Variants in RARB observed in about 807,000 individuals in gnomAD.
RARB encodes the protein HBV-activated protein.
In RARB, 17 loss-of-function variants were observed where a neutral mutation model predicts 51.9. The observed-to-expected ratio is 0.33, with a 90% confidence interval of 0.22 to 0.49. The LOEUF is 0.49. RARB is among the 20% of genes least tolerant of loss of function. RARB has a pLI of 0.99. For synonymous variants in RARB, 215 were observed against 195.4 expected (o/e 1.10, Z -0.84); for missense variants, 369 against 550.8 (o/e 0.67, Z 3.30).
chr3:25,156,824 A>G (rs879930887), intron 4 of RARB, among the ~76,000 whole-genome samples: 15 of 152,234 alleles, frequency 9.9e-5, no homozygotes, highest in Non-Finnish European at 2.2e-4. Context: ...TAGCTAGAAC[A>G]AGGCTAAAAG....
chr3:25,064,505 C>G (rs1048151578), intron 3 of RARB, among the ~76,000 whole-genome samples: 1 of 152,010 alleles, frequency 6.6e-6, no homozygotes, highest in East Asian at 1.9e-4. Context: ...CTGAAACTGT[C>G]TTATAGAATT....
chr3:25,456,554 A>ATT (rs35056259), intron 1 of RARB, among the ~76,000 whole-genome samples: 4,845 of 44,070 alleles, frequency 0.11, 1,208 homozygotes, highest in African/African-American at 0.14. Context: ...TATACCACTG[A>ATT]TTTTTTTTTT....
At chr3:25,220,794 G>A (rs1419234706) in intron 5 of RARB, among the ~76,000 whole-genome samples, 1 of 152,126 alleles carries the variant, frequency 6.6e-6, no homozygotes, top group Non-Finnish European at 1.5e-5. Context: ...CTTTATAGCA[G>A]TGTGAAAATT....
chr3:25,385,644 A>AAAAT (rs769412164), intron 5 of RARB, among the ~76,000 whole-genome samples: 2 of 150,406 alleles, frequency 1.3e-5, no homozygotes, highest in African/African-American at 4.9e-5. Flanking sequence ...TTGCATTTAA[A>AAAAT]ATATATATAT....
At chr3:25,391,352 A>G (rs1706952699) in intron 5 of RARB, among the ~76,000 whole-genome samples, 4 of 152,162 alleles carry the variant, frequency 2.6e-5, no homozygotes, top group Admixed American at 2.6e-4. Flanking sequence ...GTTGCTGTAA[A>G]CATGCATGTG....
chr3:25,266,676 C>T (rs772284244), intron 5 of RARB, among the ~76,000 whole-genome samples: 26 of 152,106 alleles, frequency 1.7e-4, no homozygotes, highest in Non-Finnish European at 2.8e-4. Flanking sequence ...ATTGGAAATA[C>T]GGACTTTAAG....
intron 3 of RARB, among the ~76,000 whole-genome samples, chr3:25,564,043 C>T (rs1017546577): frequency 6.7e-6 from 1 of 150,274 alleles, no homozygotes; most frequent in African/African-American, 2.5e-5. Flanking sequence ...TGCATGTTTC[C>T]TGCATTAAAT....
chr3:24,953,748 C>G (rs151298025), intron 2 of RARB, among the ~76,000 whole-genome samples: 1 of 152,100 alleles, frequency 6.6e-6, no homozygotes, highest in African/African-American at 2.4e-5. Flanking sequence ...ACTCTCTTTA[C>G]TCCCACCTCA....
In RARB at chr3:24,860,958, A is replaced by G. The variant is rs79560263; in HGVS notation, c.-380+2206A>G. ...ACTATACCATGTAGCCTAGGTTCGT[A>G]TATTTTGTGAAACTCACACAATGAC... On this transcript the variant is annotated intron_variant, in intron 2 of 11. Transcript: ENST00000383772. Among the ~76,000 whole-genome samples the G allele has an allele frequency of 1.2e-3, 180 of 152,310 alleles. 6 individuals are homozygous for G. In the East Asian group the frequency reaches 0.033, roughly 28 times the overall value.
chr3:25,580,456 C>T (rs559265551), intron 4 of RARB, 90 bp from the exon 5 acceptor site: 5 of 1,259,158 alleles, frequency 4.0e-6, no homozygotes, highest in Admixed American at 4.4e-5. Context: ...GCTGACATGT[C>T]ACCCCCTCTA....
chr3:24,849,759 T>A (rs551789641), intron 1 of RARB, among the ~76,000 whole-genome samples: 2,599 of 152,310 alleles, frequency 0.017, 76 homozygotes, highest in African/African-American at 0.059. Context: ...CCATTCAACA[T>A]CCATTATGGG....
chr3:25,577,258 A>C (rs1286259063), intron 4 of RARB, among the ~76,000 whole-genome samples: 1 of 152,210 alleles, frequency 6.6e-6, no homozygotes, highest in African/African-American at 2.4e-5. Context: ...TCGCTTCCTC[A>C]TCAGCCAAAT....
chr3:24,957,381 A>G (rs1696039529), intron 2 of RARB, among the ~76,000 whole-genome samples: 1 of 152,180 alleles, frequency 6.6e-6, no homozygotes, highest in Admixed American at 6.5e-5. Context: ...AATATTATTG[A>G]GGGGTCTTAC....
chr3:25,139,784 G>A (rs1575178329), intron 4 of RARB, among the ~76,000 whole-genome samples: 1 of 152,154 alleles, frequency 6.6e-6, no homozygotes, highest in Non-Finnish European at 1.5e-5. Flanking sequence ...AGAAGTCAGT[G>A]CATGGATTCA....
At chr3:25,125,524 G>A (rs1375003970) in intron 3 of RARB, among the ~76,000 whole-genome samples, 3 of 152,176 alleles carry the variant, frequency 2.0e-5, no homozygotes, top group African/African-American at 7.2e-5. Context: ...GTTCAGTTGG[G>A]TAGGCATGAA....
intron 2 of RARB, among the ~76,000 whole-genome samples, chr3:24,897,617 C>A (rs1020329024): frequency 6.6e-6 from 1 of 152,134 alleles, no homozygotes; most frequent in Non-Finnish European, 1.5e-5. Flanking sequence ...ATACTTGATA[C>A]AATGATAACT....
At chr3:25,133,523 G>T (rs926441255) in intron 4 of RARB, among the ~76,000 whole-genome samples, 1 of 151,996 alleles carries the variant, frequency 6.6e-6, no homozygotes, top group Non-Finnish European at 1.5e-5. Context: ...ATGGTTTACT[G>T]CTTCCTTGGT....
At chr3:24,952,499 G>T (rs1326499826) in intron 2 of RARB, among the ~76,000 whole-genome samples, 1 of 151,912 alleles carries the variant, frequency 6.6e-6, no homozygotes, top group Non-Finnish European at 1.5e-5. Flanking sequence ...CTGCACTCCG[G>T]CGCTAACTGC....
chr3:25,478,122 G>C (rs1696049718), intron 2 of RARB, among the ~76,000 whole-genome samples: 1 of 152,148 alleles, frequency 6.6e-6, no homozygotes, highest in African/African-American at 2.4e-5. Flanking sequence ...CAGAGGACAA[G>C]GTAGGAGCCA....
Sources: gnomAD v4.1 joint callset for allele counts (sites outside exome capture counted in the v4.1 genomes callset) on GRCh38, gnomAD v4.1.1 for gene constraint, MANE v1.5 for transcripts, NCBI Gene and HGNC (gene_info 2026-07-23, HGNC 2026-07-21) for gene names.